The following CLK4 variants were observed in gnomAD, a reference collection of about 807,000 sequenced individuals.
CLK4 encodes CDC like kinase 4, also known as dual specificity protein kinase CLK4.
A neutral mutation model predicts 64.4 loss-of-function variants in CLK4; 37 were observed. The observed-to-expected ratio is 0.57, with a 90% CI of 0.44 to 0.76. CLK4 has a LOEUF of 0.76. CLK4 is among the 30% of genes least tolerant of loss of function. CLK4 has a pLI of 0.00. For synonymous variants in CLK4, 175 were observed against 191.6 expected, an observed-to-expected ratio of 0.91 and a Z score of 0.72; for missense variants, 457 against 605.1, an observed-to-expected ratio of 0.76 and a Z score of 2.57.
Position 178,603,929 on chromosome 5 carries a change from C to T in CLK4, c.1220G>A (p.Arg407His), listed in dbSNP as rs761626937. 1.2e-5 allele frequency: 19 copies of T among 1,587,306 alleles called. No homozygotes were observed. The East Asian group carries it at 1.6e-4, about 13-fold the overall frequency. ...PQHMIQKTRK[R>H]KYFHHNQLDW... ...TAGCTGGTTATGGTGAAAATACTTG[C>T]GTTTTCTACAGAAAAAAAAAAAAAG... Residue 407 changes from arginine to histidine, a missense_variant, in exon 12 of 13, where the codon CGC (arginine) becomes CAC (histidine). Arg to His is a conservative substitution (Grantham distance 29). Transcript: ENST00000316308.
intron 2 of CLK4, chr5:178,622,073 C>G (rs1764715052): frequency 6.6e-6 from 1 of 152,150 alleles, no homozygotes. Context: ...ACGTAGTTAA[C>G]TATGAGCACA....
chr5:178,619,524 T>C (rs1764675385), intron 2 of CLK4, among the ~76,000 whole-genome samples: 1 of 152,186 alleles, frequency 6.6e-6, no homozygotes, highest in Non-Finnish European at 1.5e-5. Context: ...TCCTGTAGTT[T>C]AGCATTACAA....
intron 5 of CLK4, among the ~76,000 whole-genome samples, 168 bp downstream of exon 5, chr5:178,616,714 T>G (rs1365125850): frequency 1.6e-4 from 24 of 152,144 alleles, no homozygotes; most frequent in Non-Finnish European, 3.4e-4. Flanking sequence ...GAGAATCACT[T>G]GAAGCCGGGA....
At chr5:178,622,862 T>C (rs910125309) in intron 2 of CLK4, 7 of 182,460 alleles carry the variant, frequency 3.8e-5, no homozygotes, top group Non-Finnish European at 7.9e-5. Context: ...TCTGAAACAA[T>C]GAGCACTACA....
At chr5:178,625,609 G>T (rs1764768451) in intron 1 of CLK4, among the ~76,000 whole-genome samples, 2 of 152,028 alleles carry the variant, frequency 1.3e-5, no homozygotes, top group South Asian at 4.1e-4. Flanking sequence ...CCATTACTAT[G>T]AAGTTTTTTT....
intron 1 of CLK4, among the ~76,000 whole-genome samples, chr5:178,625,292 G>C (rs1764762837): frequency 1.3e-5 from 2 of 151,852 alleles, no homozygotes; most frequent in Non-Finnish European, 2.9e-5. Flanking sequence ...CAAAAAATTA[G>C]CCGCACATGG....
At chr5:178,605,202 T>A in intron 11 of CLK4, 101 bp downstream of exon 11, 2 of 566,608 alleles carry the variant, frequency 3.5e-6, no homozygotes, top group East Asian at 3.4e-5. Context: ...AGTCAAAATC[T>A]ATAGTCCTTG....
At position 178,602,788 on chromosome 5, in the gene CLK4, CTAAT is replaced by C. The variant is rs1203497018; in HGVS notation, c.*825_*828del. 1 of 152,146 alleles carries C rather than the reference CTAAT, an allele frequency of 6.6e-6. No homozygotes were observed. The highest frequency in any genetic ancestry group is 1.5e-5 in the Non-Finnish European group (1 of 68,026). 9.4% of individuals were successfully genotyped at this position (152,146 alleles called of 1,614,324 possible). On this transcript the variant is annotated 3_prime_UTR_variant, in exon 13 of 13. Coordinates refer to ENST00000316308, the MANE Select transcript of CLK4 (RefSeq NM_020666.3). ...AAGAATTATCACAGACATAAATTGC[CTAAT>C]TAATAAACTTAATTCTTATAGGTTT...
rs1299663872 is a variant in CLK4 at position 178,617,560 on chromosome 5, G to A, written c.385-126C>T. On this transcript the variant is annotated intron_variant, in intron 3 of 12. Transcript: ENST00000316308. The surrounding 1 kb of genome is among the most constrained non-coding windows in gnomAD (Gnocchi z 5.2). ...GGCATTCAGATAAGCACCAGGCCACGAACAGTTGGCAGGAGCAATTTCAAA... is the reference window on the plus strand; with the variant it reads ...GGCATTCAGATAAGCACCAGGCCACAAACAGTTGGCAGGAGCAATTTCAAA... 4 of 996,476 alleles carry A rather than the reference G, an allele frequency of 4.0e-6. No homozygotes were observed. Among genetic ancestry groups the A allele is most frequent in the Non-Finnish European group, 5.6e-6 (4 of 715,060 alleles). The allele number at this position is 996,476 out of a possible 1,614,324, so 61.7% of individuals were successfully genotyped here.
rs1345688562 is a variant in CLK4, at chr5:178,603,514, AAAT to A, written c.*100_*102del. On this transcript the variant is annotated 3_prime_UTR_variant, in exon 13 of 13. Coordinates refer to ENST00000316308, the MANE Select transcript of CLK4 (RefSeq NM_020666.3). ...TACAATATTTACACTTAACTGTACA[AAAT>A]AATTTAATGTTTACAAAAATATTAG... is the stretch of plus-strand genomic sequence containing the variant. 2 of 814,208 alleles carry A rather than the reference AAAT, an allele frequency of 2.5e-6. No homozygotes were observed. Among genetic ancestry groups the A allele is most frequent in the Admixed American group, 3.4e-5 (1 of 29,306 alleles). The allele number at this position is 814,208 out of a possible 1,614,324, so 50.4% of individuals were successfully genotyped here.
chr5:178,617,484 CAG>C lies in CLK4; in HGVS notation c.385-52_385-51del. The C allele has an allele frequency of 6.7e-7, 1 of 1,496,654 alleles. No individual in the cohort carries two copies. Among genetic ancestry groups the C allele is most frequent in the Non-Finnish European group, 9.3e-7 (1 of 1,076,166 alleles). 92.7% of individuals were successfully genotyped at this position (1,496,654 alleles called of 1,614,324 possible). ...AAGATCGTCCAGCCAATCAATATAT[CAG>C]AGTGAATTCAGGGCAGAATACGCAA... On this transcript the variant is annotated intron_variant, in intron 3 of 12. Transcript: ENST00000316308. The surrounding 1 kb of genome is among the most constrained non-coding windows in gnomAD (Gnocchi z 5.2).
In CLK4 at chr5:178,617,479, TA is replaced by T. The variant is rs759227654; in HGVS notation, c.385-46del. The T allele has an allele frequency of 6.6e-7, 1 of 1,506,892 alleles. No individual in the cohort carries two copies. Among genetic ancestry groups the T allele is most frequent in the African/African-American group, 1.4e-5 (1 of 72,650 alleles). The allele number at this position is 1,506,892 out of a possible 1,614,324, so 93.3% of individuals were successfully genotyped here. A position where few individuals can be genotyped will look rare whatever the true frequency, so the allele number is the denominator to read the frequency against. ...GCACCAAGATCGTCCAGCCAATCAATATATCAGAGTGAATTCAGGGCAGAAT... is the reference window on the plus strand; with the variant it reads ...GCACCAAGATCGTCCAGCCAATCAATTATCAGAGTGAATTCAGGGCAGAAT... On this transcript the variant is annotated intron_variant, in intron 3 of 12. Transcript: ENST00000316308. This position sits in a 1 kb window ranked among gnomAD's most constrained non-coding sequence, Gnocchi z 5.2.
chr5:178,612,240 CAT>C (rs1306283648), intron 9 of CLK4, among the ~76,000 whole-genome samples, 174 bp downstream of exon 9: 1 of 152,348 alleles, frequency 6.6e-6, no homozygotes, highest in Admixed American at 6.5e-5. Context: ...GACAGTATCA[CAT>C]GTTTACCACT....
In CLK4 at chr5:178,623,349, T is replaced by C. The variant is rs1345348848; in HGVS notation, c.68A>G (p.Tyr23Cys). Residue 23 changes from tyrosine (Y) to cysteine (C), a missense_variant, in exon 2 of 13, where the codon TAT (tyrosine) becomes TGT (cysteine). By Grantham distance (194) the Tyr-to-Cys change is radical. Coordinates refer to ENST00000316308, the MANE Select transcript of CLK4 (RefSeq NM_020666.3). ...CCTCTTCCGCTTGTGACTTCCACGATAGCTTTCATGTCCCCAGCTTTCTCT... is the reference window on the plus strand; with the variant it reads ...CCTCTTCCGCTTGTGACTTCCACGACAGCTTTCATGTCCCCAGCTTTCTCT... Reference protein sequence around the residue: ...DSRESWGHESYRGSHKRKRRS... With the variant: ...DSRESWGHESCRGSHKRKRRS... 3 of 1,614,144 alleles carry C rather than the reference T, an allele frequency of 1.9e-6. No individual in the cohort carries two copies. The highest frequency in any genetic ancestry group is 1.7e-5 in the Admixed American group (1 of 60,024).
Position 178,603,505 on chromosome 5 carries a change from A to C in CLK4, c.*112T>G, listed in dbSNP as rs1465132128. Reference sequence around the variant, plus strand: ...TACAAAACATACAATATTTACACTTAACTGTACAAAATAATTTAATGTTTA... The same window carrying C: ...TACAAAACATACAATATTTACACTTCACTGTACAAAATAATTTAATGTTTA... On this transcript the variant is annotated 3_prime_UTR_variant, in exon 13 of 13. Transcript: ENST00000316308. 1.4e-6 allele frequency: 1 copy of C among 704,344 alleles called. No homozygotes were observed. The highest frequency in any genetic ancestry group is 3.1e-5 in the East Asian group (1 of 32,632). 43.6% of individuals were successfully genotyped at this position (704,344 alleles called of 1,614,324 possible).
intron 1 of CLK4, among the ~76,000 whole-genome samples, chr5:178,625,237 G>A (rs1268958229): frequency 6.6e-6 from 1 of 152,036 alleles, no homozygotes; most frequent in Non-Finnish European, 1.5e-5. Flanking sequence ...AGGAATTCGA[G>A]ACTGGCCTGG....
chr5:178,617,429 G>A lies in CLK4; in HGVS notation c.390C>T (p.Ser130=), dbSNP rs766834286. 3 of 1,613,104 alleles carry A rather than the reference G, an allele frequency of 1.9e-6. No homozygotes were observed. Among genetic ancestry groups the A allele is most frequent in the Non-Finnish European group, 2.5e-6 (3 of 1,179,332 alleles). ...TACTCCTGGATCTTTTCCTTCGGTGGCTCTTCTGGAACGGCAAGTGGGCAG... is the reference window on the plus strand; with the variant it reads ...TACTCCTGGATCTTTTCCTTCGGTGACTCTTCTGGAACGGCAAGTGGGCAG... The part of the protein sequence containing the change: ...HCSSHQSRSK[S]HRRKRSRSIE... Residue 130 remains serine (S), a synonymous_variant, in exon 4 of 13, where the codon AGC becomes AGT. Coordinates refer to ENST00000316308, the MANE Select transcript of CLK4 (RefSeq NM_020666.3). This position sits in a 1 kb window ranked among gnomAD's most constrained non-coding sequence, Gnocchi z 5.2.
intron 9 of CLK4, among the ~76,000 whole-genome samples, chr5:178,610,289 CAAAAA>C (rs772706129): frequency 7.4e-6 from 1 of 134,452 alleles, no homozygotes; most frequent in African/African-American, 2.8e-5. Flanking sequence ...GACTGCGTCT[CAAAAA>C]AAAAAAAAAG....
intron 5 of CLK4, among the ~76,000 whole-genome samples, chr5:178,615,868 T>G (rs1306979457): frequency 6.6e-6 from 1 of 152,154 alleles, no homozygotes; most frequent in Admixed American, 6.5e-5. Context: ...ATCACAAACT[T>G]TATTCTCTAG....
Sources: gnomAD v4.1 joint callset for allele counts (sites outside exome capture counted in the v4.1 genomes callset) on GRCh38, gnomAD v4.1.1 for gene constraint, Gnocchi (gnomAD v3.1) non-coding constraint, MANE v1.5 for transcripts, NCBI Gene and HGNC (gene_info 2026-07-23, HGNC 2026-07-21) for gene names.